Variants in FSCN2 observed in about 807,000 individuals in gnomAD.
FSCN2 encodes fascin-2.
In FSCN2, 46 loss-of-function variants were observed where a neutral mutation model predicts 37.8. The ratio of observed to expected loss-of-function variants is 1.22; its 90% CI spans 0.96 to 1.56. FSCN2 has a LOEUF of 1.56. FSCN2 is among the 40% of genes most tolerant of loss of function. FSCN2 has a pLI of 0.00. For synonymous variants in FSCN2, 351 were observed against 309.4 expected (o/e 1.13, Z -1.41); for missense variants, 844 against 730.4 (o/e 1.16, Z -1.79).
intron 3 of FSCN2, 159 bp downstream of exon 3, chr17:81,536,426 G>C: frequency 6.9e-7 from 1 of 1,456,714 alleles, no homozygotes; most frequent in Non-Finnish European, 9.2e-7. Context: ...AACTCGTCTT[G>C]GCAAGGGAAA....
intron 1 of FSCN2, among the ~76,000 whole-genome samples, chr17:81,532,421 G>A (rs1568079317): frequency 3.0e-5 from 4 of 131,834 alleles, no homozygotes; most frequent in Admixed American, 2.2e-4. Flanking sequence ...TGATGATGGT[G>A]ATGGTGATGA....
In FSCN2 at chr17:81,528,518, C is replaced by T. The variant is rs782767915; in HGVS notation, c.-14C>T. The T allele has an allele frequency of 1.5e-5, 24 of 1,569,918 alleles. No homozygotes were observed. The highest frequency in any genetic ancestry group is 2.7e-5 in the African/African-American group (2 of 73,846). Reference sequence around the variant, plus strand: ...CGCATCCCAGGCCCCTCCGGGGACCCGGCCAGCCTGAAGATGCCGACGAAC... The same window carrying T: ...CGCATCCCAGGCCCCTCCGGGGACCTGGCCAGCCTGAAGATGCCGACGAAC... On this transcript the variant is annotated 5_prime_UTR_variant, in exon 1 of 5. Transcript: ENST00000417245.
chr17:81,531,378 ATGGTGGTGATGGTGATGATGGTGATGG>A (rs2032575428), intron 1 of FSCN2, among the ~76,000 whole-genome samples: 5 of 53,960 alleles, frequency 9.3e-5, no homozygotes, highest in Admixed American at 1.8e-4. Flanking sequence ...GGTGGTGGTG[ATGGTGGTGATGGTGATGATGGTGATGG>A]TGATGGTGGT....
intron 1 of FSCN2, among the ~76,000 whole-genome samples, chr17:81,529,833 A>G (rs1221620804): frequency 5.9e-5 from 9 of 152,210 alleles, no homozygotes; most frequent in Non-Finnish European, 1.0e-4. Context: ...TTTTTGAGAC[A>G]GAGTCTCGCT....
intron 1 of FSCN2, among the ~76,000 whole-genome samples, chr17:81,532,283 G>T (rs1598575981): frequency 6.9e-6 from 1 of 145,796 alleles, no homozygotes; most frequent in South Asian, 2.2e-4. Context: ...TGGTGATGGT[G>T]ATGGTGGTGA....
chr17:81,533,920 C>T (rs149820034), intron 1 of FSCN2, among the ~76,000 whole-genome samples: 3,321 of 152,276 alleles, frequency 0.022, 52 homozygotes, highest in Non-Finnish European at 0.034. Context: ...GGACGGCGTT[C>T]CCACACCTCT....
upstream of FSCN2, among the ~76,000 whole-genome samples, chr17:81,525,425 C>CAAAAAAAAAAGAAAAAAAAAA (rs2032321545): frequency 2.1e-5 from 1 of 47,856 alleles, no homozygotes. Context: ...GACTCTGTCT[C>CAAAAAAAAAAGAAAAAAAAAA]AAAAAAAAAA....
intron 1 of FSCN2, chr17:81,529,686 G>A (rs1402916215): frequency 5.1e-6 from 3 of 588,046 alleles, no homozygotes; most frequent in Non-Finnish European, 9.7e-6. Flanking sequence ...CCAGGCGATG[G>A]GCAGTGCCCA....
chr17:81,534,629 G>A (rs1368498248), intron 1 of FSCN2, among the ~76,000 whole-genome samples: 7 of 151,980 alleles, frequency 4.6e-5, no homozygotes, highest in Admixed American at 4.6e-4. Flanking sequence ...GCCCAGGGGT[G>A]CCCCATCACC....
chr17:81,531,195 G>GTGGTGATGA (rs2032541092), intron 1 of FSCN2, among the ~76,000 whole-genome samples: 1 of 102,806 alleles, frequency 9.7e-6, no homozygotes, highest in African/African-American at 3.8e-5. Flanking sequence ...GGTGGTGATG[G>GTGGTGATGA]TGGTGATGGT....
At chr17:81,523,717 C>T (rs908437727), upstream of FSCN2, 30 of 152,276 alleles carry the variant, frequency 2.0e-4, no homozygotes, top group African/African-American at 6.8e-4. Flanking sequence ...GGGGCTCCTC[C>T]GATGCCTGCA....
chr17:81,533,965 G>C (rs1327459203), intron 1 of FSCN2, among the ~76,000 whole-genome samples: 1 of 152,198 alleles, frequency 6.6e-6, no homozygotes, highest in Non-Finnish European at 1.5e-5. Context: ...GCTGCCCCCG[G>C]GTACCGTGTC....
intron 1 of FSCN2, among the ~76,000 whole-genome samples, chr17:81,531,855 G>GTGGTGATGGCGATGA (rs1393809855): frequency 0.018 from 1,652 of 91,992 alleles, 25 homozygotes; most frequent in Non-Finnish European, 0.024. Context: ...GATGGTGATG[G>GTGGTGATGGCGATGA]TGGTGATGGC....
intron 1 of FSCN2, among the ~76,000 whole-genome samples, chr17:81,532,656 GTGA>G (rs2032734953): frequency 6.8e-6 from 1 of 146,636 alleles, no homozygotes; most frequent in Admixed American, 6.8e-5. Context: ...GGTGGTGATG[GTGA>G]TGATGGAGGC....
At chr17:81,532,330 T>TGAC (rs2032698255) in intron 1 of FSCN2, among the ~76,000 whole-genome samples, 1 of 146,830 alleles carries the variant, frequency 6.8e-6, no homozygotes, top group Admixed American at 6.8e-5. Context: ...GTGATGATAG[T>TGAC]GATGGTGATG....
intron 1 of FSCN2, chr17:81,530,570 C>T: frequency 2.0e-6 from 1 of 511,458 alleles, no homozygotes; most frequent in Non-Finnish European, 3.9e-6. Context: ...AGCTCCTCCT[C>T]CCAACTCAGG....
At chr17:81,525,460 C>T (rs990302989), upstream of FSCN2, among the ~76,000 whole-genome samples, 1 of 139,388 alleles carries the variant, frequency 7.2e-6, no homozygotes, top group Non-Finnish European at 1.6e-5. Flanking sequence ...TGGTGGTTCA[C>T]GGCTGTAATC....
intron 1 of FSCN2, among the ~76,000 whole-genome samples, chr17:81,534,627 G>T (rs895758275): frequency 1.3e-5 from 2 of 151,946 alleles, no homozygotes; most frequent in African/African-American, 4.8e-5. Flanking sequence ...GAGCCCAGGG[G>T]TGCCCCATCA....
intron 1 of FSCN2, chr17:81,529,712 C>T: frequency 1.9e-6 from 1 of 534,660 alleles, no homozygotes; most frequent in Non-Finnish European, 3.6e-6. Context: ...GGCAGGAGGC[C>T]CACAGCCTGG....
Sources: allele counts gnomAD v4.1 joint callset (sites outside exome capture counted in the v4.1 genomes callset), GRCh38; gene constraint gnomAD v4.1.1; transcripts MANE v1.5; gene names NCBI Gene and HGNC (gene_info 2026-07-23, HGNC 2026-07-21).